Variants in SYNPR observed in about 807,000 individuals in gnomAD.
SYNPR encodes synaptoporin.
SYNPR carries 23 observed loss-of-function variants against 32.9 expected under a neutral mutation model. The observed-to-expected ratio is 0.70, with a 90% CI of 0.50 to 0.99. The LOEUF (loss-of-function observed/expected upper bound fraction) is 0.99, where lower values mean the gene tolerates loss of function less well. Ranked by LOEUF, SYNPR falls within the 50% of genes least tolerant of loss-of-function variation. The probability of loss-of-function intolerance (pLI) is 0.00; values close to 1 mark genes in which losing one functional copy is unlikely to be tolerated. For missense variants in SYNPR, 318 were observed against 349.3 expected (o/e 0.91, Z 0.71); for synonymous variants, 146 against 135.9 (o/e 1.07, Z -0.52).
chr3:63,591,941 G>A (rs1412397711), intron 4 of SYNPR, among the ~76,000 whole-genome samples: 1 of 150,934 alleles, frequency 6.6e-6, no homozygotes, highest in African/African-American at 2.4e-5. Flanking sequence ...AAAAAGATAT[G>A]CCCACCCAGG....
intron 4 of SYNPR, among the ~76,000 whole-genome samples, chr3:63,571,357 T>C (rs780129377): frequency 6.6e-6 from 1 of 152,206 alleles, no homozygotes; most frequent in Non-Finnish European, 1.5e-5. Flanking sequence ...TACTTTTGCC[T>C]TTCTCTTTAA....
chr3:63,362,784 C>T (rs1349495704), intron 2 of SYNPR, among the ~76,000 whole-genome samples: 2 of 152,164 alleles, frequency 1.3e-5, no homozygotes, highest in African/African-American at 4.8e-5. Flanking sequence ...GAGATCTCAG[C>T]CTCTATCCAA....
intron 2 of SYNPR, among the ~76,000 whole-genome samples, chr3:63,315,031 G>T (rs1248854927): frequency 6.6e-6 from 1 of 151,974 alleles, no homozygotes; most frequent in Non-Finnish European, 1.5e-5. Context: ...CTTTGTCAAA[G>T]TTCAGTTGGC....
At chr3:63,456,313 T>C (rs1229756658) in intron 2 of SYNPR, among the ~76,000 whole-genome samples, 3 of 152,062 alleles carry the variant, frequency 2.0e-5, no homozygotes, top group Non-Finnish European at 4.4e-5. Context: ...GTTGAATAAT[T>C]GACAATCATT....
intron 3 of SYNPR, among the ~76,000 whole-genome samples, chr3:63,525,232 T>A: frequency 6.6e-6 from 1 of 152,166 alleles, no homozygotes; most frequent in Non-Finnish European, 1.5e-5. Flanking sequence ...AAACCCCTGA[T>A]TTTTTTCTTC....
chr3:63,560,232 A>G (rs1702663406), intron 4 of SYNPR, among the ~76,000 whole-genome samples: 1 of 152,220 alleles, frequency 6.6e-6, no homozygotes, highest in Non-Finnish European at 1.5e-5. Context: ...ATTACTTGGC[A>G]GATAAAGTTA....
chr3:63,336,375 TAAC>T (rs568982818), intron 2 of SYNPR, among the ~76,000 whole-genome samples: 241 of 151,960 alleles, frequency 1.6e-3, no homozygotes, highest in Non-Finnish European at 2.6e-3. Flanking sequence ...ATCAAAATGT[TAAC>T]AATGATGAAC....
At chr3:63,492,565 C>G (rs1251016094) in intron 3 of SYNPR, among the ~76,000 whole-genome samples, 4 of 152,128 alleles carry the variant, frequency 2.6e-5, no homozygotes, top group Non-Finnish European at 2.9e-5. Context: ...TTTTAAAGAC[C>G]AGGATTGGGG....
intron 3 of SYNPR, among the ~76,000 whole-genome samples, chr3:63,547,728 T>C (rs1449630478): frequency 6.6e-6 from 1 of 152,138 alleles, no homozygotes; most frequent in Non-Finnish European, 1.5e-5. Flanking sequence ...ATACAAACAA[T>C]TGATAACATT....
chr3:63,536,767 A>G (rs919360217), intron 3 of SYNPR, among the ~76,000 whole-genome samples: 4 of 152,194 alleles, frequency 2.6e-5, no homozygotes, highest in African/African-American at 7.2e-5. Flanking sequence ...TGATATAGCT[A>G]TACAATGGAA....
chr3:63,615,560 A>C lies in SYNPR; in HGVS notation c.*79A>C. The C allele has an allele frequency of 6.6e-7, 1 of 1,517,064 alleles. No homozygotes were observed. The highest frequency in any genetic ancestry group is 8.9e-7 in the Non-Finnish European group (1 of 1,127,018). The allele number at this position is 1,517,064 out of a possible 1,614,324, so 94.0% of individuals were successfully genotyped here. On this transcript the variant is annotated 3_prime_UTR_variant, in exon 6 of 6. Coordinates refer to ENST00000478300, the MANE Select transcript of SYNPR (RefSeq NM_001130003.2). ...GCAGAAGAATTTTTTAAGGGTTTCA[A>C]TCAATTATTAATGCAGAGAGTATTG... is the stretch of plus-strand genomic sequence containing the variant.
chr3:63,320,607 C>T (rs894758392), intron 2 of SYNPR, among the ~76,000 whole-genome samples: 9 of 152,134 alleles, frequency 5.9e-5, no homozygotes, highest in African/African-American at 2.2e-4. Flanking sequence ...TAGAAAATTA[C>T]CTGACATATA....
chr3:63,384,903 C>G (rs1575618712), intron 2 of SYNPR, among the ~76,000 whole-genome samples: 1 of 152,180 alleles, frequency 6.6e-6, no homozygotes, highest in East Asian at 1.9e-4. Context: ...ATTTTTCCAA[C>G]TAGAAAGAAG....
At chr3:63,407,420 C>T (rs2088375137) in intron 2 of SYNPR, among the ~76,000 whole-genome samples, 1 of 152,136 alleles carries the variant, frequency 6.6e-6, no homozygotes, top group African/African-American at 2.4e-5. Context: ...TGAAATCAGC[C>T]AATCCAGATT....
chr3:63,513,128 G>T (rs1313381788), intron 3 of SYNPR, among the ~76,000 whole-genome samples: 3 of 151,822 alleles, frequency 2.0e-5, no homozygotes, highest in Non-Finnish European at 2.9e-5. Flanking sequence ...TGAGGGGGCA[G>T]ATAAAAATTC....
At chr3:63,555,402 T>C (rs1702579300) in intron 3 of SYNPR, among the ~76,000 whole-genome samples, 1 of 152,040 alleles carries the variant, frequency 6.6e-6, no homozygotes, top group Admixed American at 6.6e-5. Context: ...AGTCATATCT[T>C]TTTGCAAGTG....
intron 2 of SYNPR, chr3:63,426,798 A>G (rs937871878): frequency 6.6e-6 from 1 of 150,772 alleles, no homozygotes. Flanking sequence ...GTGCCTATCA[A>G]TAAAGAGACT....
chr3:63,228,363 T>C (rs1031625705), exon 1 of SYNPR: 2 of 152,218 alleles, frequency 1.3e-5, no homozygotes, highest in African/African-American at 4.8e-5. Flanking sequence ...AATGATCATG[T>C]CATTCTTACT....
At position 63,278,521 on chromosome 3, in the gene SYNPR, G is replaced by T; in HGVS notation, c.-13G>T. On this transcript the variant is annotated 5_prime_UTR_variant, in exon 1 of 6. Transcript: ENST00000478300. ...AAGAACTGGTGGATGAGAAGAGCGAGCGAGGGCGAGCTATGGACCCTGTGA... is the reference window on the plus strand; with the variant it reads ...AAGAACTGGTGGATGAGAAGAGCGATCGAGGGCGAGCTATGGACCCTGTGA... 6.5e-7 allele frequency: 1 copy of T among 1,547,958 alleles called. No individual in the cohort carries two copies. The highest frequency in any genetic ancestry group is 8.7e-7 in the Non-Finnish European group (1 of 1,144,700).
Sources: gnomAD v4.1 joint callset for allele counts (sites outside exome capture counted in the v4.1 genomes callset) on GRCh38, gnomAD v4.1.1 for gene constraint, MANE v1.5 for transcripts, NCBI Gene and HGNC (gene_info 2026-07-23, HGNC 2026-07-21) for gene names.